The following BCKDHB variants were observed in gnomAD, a reference collection of about 807,000 sequenced individuals.
BCKDHB encodes branched chain keto acid dehydrogenase E1 subunit beta, also known as 2-oxoisovalerate dehydrogenase subunit beta, mitochondrial.
Under a neutral mutation model 48.5 loss-of-function variants are expected in BCKDHB, and 41 were observed. The observed-to-expected ratio is 0.85, with a 90% CI of 0.66 to 1.10. The LOEUF (loss-of-function observed/expected upper bound fraction) is 1.10, where lower values mean the gene tolerates loss of function less well. Ranked by LOEUF, BCKDHB falls within the 50% of genes least tolerant of loss-of-function variation. The probability of loss-of-function intolerance (pLI) is 0.00; values close to 1 mark genes in which losing one functional copy is unlikely to be tolerated. For missense variants in BCKDHB, 496 were observed against 494.2 expected (o/e 1.00, Z -0.03); for synonymous variants, 201 against 174.8 (o/e 1.15, Z -1.18).
intron 9 of BCKDHB, among the ~76,000 whole-genome samples, chr6:80,277,293 C>A (rs1269331907): frequency 6.6e-6 from 1 of 151,858 alleles, no homozygotes; most frequent in Admixed American, 6.6e-5. Flanking sequence ...CTTTATGTAA[C>A]CCCAGGTTTT....
chr6:80,416,422 A>C, the BCKDHB span, among the ~76,000 whole-genome samples: 1 of 152,006 alleles, frequency 6.6e-6, no homozygotes. Context: ...ATATAGTATT[A>C]TAAATTTCCC....
chr6:80,387,154 A>G, the BCKDHB span, among the ~76,000 whole-genome samples: 1 of 152,144 alleles, frequency 6.6e-6, no homozygotes, highest in Non-Finnish European at 1.5e-5. Flanking sequence ...GAGGTCAGGT[A>G]ATTAATGGGG....
At chr6:80,339,716 C>G (rs907748366) in intron 9 of BCKDHB, among the ~76,000 whole-genome samples, 2 of 152,208 alleles carry the variant, frequency 1.3e-5, no homozygotes, top group African/African-American at 2.4e-5. Context: ...TTAGCCTACA[C>G]CTTTCTTTAT....
At chr6:80,312,534 C>T (rs1269439637) in intron 9 of BCKDHB, among the ~76,000 whole-genome samples, 2 of 152,128 alleles carry the variant, frequency 1.3e-5, no homozygotes, top group African/African-American at 2.4e-5. Flanking sequence ...CCAGCTTTTG[C>T]CCATTCAGTA....
At chr6:80,330,844 C>T (rs1392109184) in intron 9 of BCKDHB, among the ~76,000 whole-genome samples, 1 of 151,996 alleles carries the variant, frequency 6.6e-6, no homozygotes, top group Non-Finnish European at 1.5e-5. Context: ...TTTTTTCTGC[C>T]CAGACCTACA....
chr6:80,284,176 G>A (rs2127977994), intron 9 of BCKDHB, among the ~76,000 whole-genome samples: 1 of 152,180 alleles, frequency 6.6e-6, no homozygotes, highest in South Asian at 2.1e-4. Flanking sequence ...CTATTTTCAT[G>A]AATGAGTTCA....
intron 8 of BCKDHB, among the ~76,000 whole-genome samples, chr6:80,240,840 A>G (rs1038706760): frequency 2.0e-5 from 3 of 152,132 alleles, no homozygotes; most frequent in Non-Finnish European, 2.9e-5. Flanking sequence ...TATCCTGAAG[A>G]GTGTTTTCCA....
At chr6:80,436,669 C>T in the BCKDHB span, among the ~76,000 whole-genome samples, 9 of 152,214 alleles carry the variant, frequency 5.9e-5, no homozygotes, top group African/African-American at 2.2e-4. Context: ...GATTCCAAGG[C>T]ATTTTGATAG....
chr6:80,350,427 C>T (rs1243784258), downstream of BCKDHB, among the ~76,000 whole-genome samples: 2 of 151,264 alleles, frequency 1.3e-5, no homozygotes, highest in African/African-American at 4.9e-5. Flanking sequence ...ATGTCTGTAT[C>T]CTGTGAAGGT....
chr6:80,209,635 A>G (rs1351222335), intron 8 of BCKDHB, among the ~76,000 whole-genome samples: 1 of 151,992 alleles, frequency 6.6e-6, no homozygotes, highest in African/African-American at 2.4e-5. Flanking sequence ...TATGAAAAAT[A>G]ATTATATTAA....
the BCKDHB span, among the ~76,000 whole-genome samples, chr6:80,413,465 G>A: frequency 8.5e-5 from 13 of 152,048 alleles, no homozygotes; most frequent in Non-Finnish European, 1.2e-4. Context: ...TCCACTCTTT[G>A]ATAGGCTCCA....
At chr6:80,425,675 A>G in the BCKDHB span, among the ~76,000 whole-genome samples, 5 of 152,186 alleles carry the variant, frequency 3.3e-5, no homozygotes, top group Non-Finnish European at 7.4e-5. Context: ...TCACTTTACC[A>G]TGATCGTCTG....
At chr6:80,256,630 A>G (rs1294013869) in intron 8 of BCKDHB, among the ~76,000 whole-genome samples, 1 of 152,148 alleles carries the variant, frequency 6.6e-6, no homozygotes, top group African/African-American at 2.4e-5. Context: ...AGCTTTTTTT[A>G]TACTTTCATT....
chr6:80,217,947 A>G (rs2127853815), intron 8 of BCKDHB, among the ~76,000 whole-genome samples: 1 of 152,332 alleles, frequency 6.6e-6, no homozygotes, highest in South Asian at 2.1e-4. Context: ...AGAAAGATGT[A>G]ATAAACACTT....
chr6:80,422,671 G>A, the BCKDHB span, among the ~76,000 whole-genome samples: 3 of 152,142 alleles, frequency 2.0e-5, no homozygotes, highest in South Asian at 2.1e-4. Flanking sequence ...AGTCAAAGGA[G>A]GTTATTTTAA....
chr6:80,394,694 G>T, the BCKDHB span, among the ~76,000 whole-genome samples: 177 of 152,290 alleles, frequency 1.2e-3, 2 homozygotes, highest in Middle Eastern at 3.4e-3. Context: ...ATTTCCAGCT[G>T]TCAGTAGCTA....
At chr6:80,150,712 A>G (rs543643612) in intron 3 of BCKDHB, among the ~76,000 whole-genome samples, 28 of 151,930 alleles carry the variant, frequency 1.8e-4, no homozygotes, top group Non-Finnish European at 3.2e-4. Context: ...GTGCACCACC[A>G]CACACAGCTA....
intron 2 of BCKDHB, among the ~76,000 whole-genome samples, chr6:80,128,372 A>T (rs918077328): frequency 2.0e-5 from 3 of 152,094 alleles, no homozygotes; most frequent in Non-Finnish European, 4.4e-5. Flanking sequence ...TGAACTAGAG[A>T]AGTAAATTCA....
chr6:80,139,590 G>T (rs1582216223), intron 3 of BCKDHB, among the ~76,000 whole-genome samples: 1 of 151,282 alleles, frequency 6.6e-6, no homozygotes, highest in African/African-American at 2.4e-5. Flanking sequence ...TTTTTCTCAG[G>T]TTTGTCAAAG....
Sources: gnomAD v4.1 joint callset for allele counts (sites outside exome capture counted in the v4.1 genomes callset) on GRCh38, gnomAD v4.1.1 for gene constraint, MANE v1.5 for transcripts, NCBI Gene and HGNC (gene_info 2026-07-23, HGNC 2026-07-21) for gene names.